Variants in KCNJ2 observed in about 807,000 individuals in gnomAD.
KCNJ2 encodes potassium inwardly rectifying channel subfamily J member 2.
A neutral mutation model predicts 28.4 loss-of-function variants in KCNJ2; 12 were observed. The ratio of observed to expected loss-of-function variants is 0.42; its 90% confidence interval spans 0.27 to 0.68. The LOEUF (loss-of-function observed/expected upper bound fraction) is 0.68. KCNJ2 is among the 30% of genes least tolerant of loss of function. The pLI is 0.23. For synonymous variants in KCNJ2, 200 were observed against 203.2 expected (o/e 0.98, Z 0.13); for missense variants, 320 against 551.3 (o/e 0.58, Z 4.20).
chr17:70,175,718 G>C lies in KCNJ2; in HGVS notation c.679G>C (p.Val227Leu). ...GAAAAGCCACTTGGTGGAAGCTCAT[G>C]TTCGAGCACAGCTCCTCAAATCCAG... The part of the protein sequence containing the change: ...LRKSHLVEAH[V>L]RAQLLKSRIT... The change falls in exon 2 of 2, where the codon GTT (valine) becomes CTT (leucine). Residue 227 changes from valine to leucine, a missense_variant. By Grantham distance (32) the Val-to-Leu change is conservative (BLOSUM62 1). This residue lies in a region of KCNJ2 where 111 missense variants were observed against 256.7 expected (regional missense o/e 0.43). Coordinates refer to ENST00000243457, the MANE Select transcript of KCNJ2 (RefSeq NM_000891.3). The surrounding 1 kb of genome is among the most constrained non-coding windows in gnomAD (Gnocchi z 8.3). 1 of 1,614,250 alleles carries C rather than the reference G, an allele frequency of 6.2e-7. No homozygotes were observed. The highest frequency in any genetic ancestry group is 2.2e-5 in the East Asian group (1 of 44,884).
At position 70,175,439 on chromosome 17, in the gene KCNJ2, C is replaced by G; in HGVS notation, c.400C>G (p.Leu134Val). The change falls in exon 2 of 2, where the codon CTC (leucine) becomes GTC (valine). Residue 134 changes from leucine (L) to valine (V), a missense_variant. This residue lies in a region of KCNJ2 where 111 missense variants were observed against 256.7 expected (regional missense o/e 0.43). Transcript: ENST00000243457. The surrounding 1 kb of genome is among the most constrained non-coding windows in gnomAD (Gnocchi z 8.3). ...GGTCAACAGCTTCACGGCTGCCTTC[C>G]TCTTCTCCATTGAGACCCAGACAAC... is the stretch of plus-strand genomic sequence containing the variant. ...SEVNSFTAAF[L>V]FSIETQTTIG... 1 of 1,614,196 alleles carries G rather than the reference C, an allele frequency of 6.2e-7. No homozygotes were observed. The highest frequency in any genetic ancestry group is 8.5e-7 in the Non-Finnish European group (1 of 1,180,038).
chr17:70,174,568 G>A (rs1223822781), intron 1 of KCNJ2, among the ~76,000 whole-genome samples: 1 of 152,114 alleles, frequency 6.6e-6, no homozygotes, highest in Admixed American at 6.5e-5. Context: ...CAAAAAGAAG[G>A]GAAAGGGGAC....
At chr17:70,173,883 A>G (rs2074377736) in intron 1 of KCNJ2, among the ~76,000 whole-genome samples, 1 of 152,160 alleles carries the variant, frequency 6.6e-6, no homozygotes, top group African/African-American at 2.4e-5. Context: ...GTCATTACAC[A>G]TGACAGCCCC....
At chr17:70,173,661 T>A (rs1348572079) in intron 1 of KCNJ2, among the ~76,000 whole-genome samples, 3 of 152,140 alleles carry the variant, frequency 2.0e-5, no homozygotes, top group African/African-American at 7.2e-5. Flanking sequence ...TTTGCACATA[T>A]TAAGTAAAGG....
At chr17:70,170,409 TC>T (rs1435934759) in intron 1 of KCNJ2, among the ~76,000 whole-genome samples, 44 of 152,310 alleles carry the variant, frequency 2.9e-4, no homozygotes, top group Non-Finnish European at 1.3e-4. Context: ...ACGACTTGAT[TC>T]TGCAAAAAGA....
At position 70,177,357 on chromosome 17, in the gene KCNJ2, A is replaced by T. The variant is rs547939246; in HGVS notation, c.*1034A>T. 1.8e-5 allele frequency: 3 copies of T among 167,196 alleles called. No individual in the cohort carries two copies. Among genetic ancestry groups the T allele is most frequent in the Non-Finnish European group, 2.9e-5 (2 of 68,126 alleles). The allele number at this position is 167,196 out of a possible 1,614,324, so 10.4% of individuals were successfully genotyped here. ...GCCAGGCTCATGTGTAGTGTGCGAG[A>T]TGGTGATGTACTCTTATATTTTTCT... On this transcript the variant is annotated 3_prime_UTR_variant, in exon 2 of 2. Transcript: ENST00000243457.
intron 1 of KCNJ2, among the ~76,000 whole-genome samples, chr17:70,170,568 A>G (rs2074360006): frequency 6.6e-6 from 1 of 152,202 alleles, no homozygotes. Context: ...ATAAATTCAG[A>G]TTTTACCTGT....
At chr17:70,171,128 T>C (rs753019919) in intron 1 of KCNJ2, among the ~76,000 whole-genome samples, 1 of 152,206 alleles carries the variant, frequency 6.6e-6, no homozygotes, top group Non-Finnish European at 1.5e-5. Context: ...TTTAAGTGTA[T>C]ATTTTTATTT....
At chr17:70,171,902 T>A (rs1489633233) in intron 1 of KCNJ2, among the ~76,000 whole-genome samples, 1 of 152,210 alleles carries the variant, frequency 6.6e-6, no homozygotes, top group Admixed American at 6.5e-5. Context: ...CAAATCAAAT[T>A]TCAATTCTCT....
chr17:70,175,923 T>G lies in KCNJ2; in HGVS notation c.884T>G (p.Val295Gly), dbSNP rs201162707. The G allele has an allele frequency of 1.2e-6, 2 of 1,614,020 alleles. No homozygotes were observed. ...QDIDNADFEI[V>G]VILEGMVEAT... ...ATTGACAACGCAGACTTTGAAATCG[T>G]GGTCATACTGGAAGGCATGGTGGAA... The change falls in exon 2 of 2, where the codon GTG becomes GGG. Residue 295 changes from valine (V) to glycine (G), a missense_variant. By Grantham distance (109) the Val-to-Gly change is moderately radical. This residue lies in a region of KCNJ2 where 155 missense variants were observed against 231.6 expected (regional missense o/e 0.67). Coordinates refer to ENST00000243457, the MANE Select transcript of KCNJ2 (RefSeq NM_000891.3). The surrounding 1 kb of genome is among the most constrained non-coding windows in gnomAD (Gnocchi z 8.3).
intron 1 of KCNJ2, among the ~76,000 whole-genome samples, chr17:70,173,911 G>A (rs1890537623): frequency 6.6e-6 from 1 of 152,160 alleles, no homozygotes; most frequent in Non-Finnish European, 1.5e-5. Context: ...GAGAATTTCA[G>A]GGCTCTTATT....
Position 70,175,866 on chromosome 17 carries a change from A to G in KCNJ2, c.827A>G (p.Asp276Gly), listed in dbSNP as rs1201835791. 6.2e-7 allele frequency: 1 copy of G among 1,614,174 alleles called. No homozygotes were observed. Among genetic ancestry groups the G allele is most frequent in the Non-Finnish European group, 8.5e-7 (1 of 1,180,024 alleles). The part of the protein sequence containing the change: ...PITIVHEIDE[D>G]SPLYDLSKQD... ...ACTATAGTCCATGAAATAGATGAAGACAGTCCTTTATATGATTTGAGTAAA... is the reference window on the plus strand; with the variant it reads ...ACTATAGTCCATGAAATAGATGAAGGCAGTCCTTTATATGATTTGAGTAAA... Residue 276 changes from aspartate to glycine, a missense_variant, in exon 2 of 2, where the codon GAC becomes GGC. Coordinates refer to ENST00000243457, the MANE Select transcript of KCNJ2 (RefSeq NM_000891.3). This position sits in a 1 kb window ranked among gnomAD's most constrained non-coding sequence, Gnocchi z 8.3.
chr17:70,170,861 G>A (rs148739867), intron 1 of KCNJ2, among the ~76,000 whole-genome samples: 1 of 152,226 alleles, frequency 6.6e-6, no homozygotes, highest in Non-Finnish European at 1.5e-5. Context: ...TAAGGTCAAG[G>A]CCATTTTACT....
In KCNJ2 at chr17:70,175,523, G is replaced by T; in HGVS notation, c.484G>T (p.Val162Leu). ...DECPIAVFMV[V>L]FQSIVGCIID... is the part of the protein sequence containing the mutation. ...ATGCCCAATTGCTGTTTTCATGGTGGTGTTCCAGTCAATCGTGGGCTGCAT... is the reference window on the plus strand; with the variant it reads ...ATGCCCAATTGCTGTTTTCATGGTGTTGTTCCAGTCAATCGTGGGCTGCAT... The change falls in exon 2 of 2, where the codon GTG becomes TTG. Residue 162 changes from valine (V) to leucine (L), a missense_variant. Physicochemically the swap from Val to Leu is conservative, Grantham distance 32. Coordinates refer to ENST00000243457, the MANE Select transcript of KCNJ2 (RefSeq NM_000891.3). The surrounding 1 kb of genome is among the most constrained non-coding windows in gnomAD (Gnocchi z 8.3). The T allele has an allele frequency of 1.2e-6, 2 of 1,614,174 alleles. No homozygotes were observed. Among genetic ancestry groups the T allele is most frequent in the Non-Finnish European group, 1.7e-6 (2 of 1,180,032 alleles).
rs2074394802 is a variant in KCNJ2 at position 70,176,558 on chromosome 17, G to A, written c.*235G>A. ...ATAGATGTTGTAGAATAAGTTATGG[G>A]TTTTTATGTTTTGTTTTGTGTTTTT... On this transcript the variant is annotated 3_prime_UTR_variant, in exon 2 of 2. Coordinates refer to ENST00000243457, the MANE Select transcript of KCNJ2 (RefSeq NM_000891.3). The A allele has an allele frequency of 3.5e-6, 2 of 577,008 alleles. No individual in the cohort carries two copies. The highest frequency in any genetic ancestry group is 3.1e-5 in the Admixed American group (1 of 32,270). 35.7% of individuals were successfully genotyped at this position (577,008 alleles called of 1,614,324 possible).
intron 1 of KCNJ2, among the ~76,000 whole-genome samples, chr17:70,172,824 G>A (rs1032704744): frequency 2.6e-5 from 4 of 152,140 alleles, no homozygotes; most frequent in African/African-American, 9.7e-5. Context: ...ACCTGCGTTT[G>A]GTGTTGTTGC....
chr17:70,171,146 A>G (rs1475441070), intron 1 of KCNJ2, among the ~76,000 whole-genome samples: 1 of 152,230 alleles, frequency 6.6e-6, no homozygotes, highest in Admixed American at 6.5e-5. Context: ...TTTACCAAAC[A>G]TGTCTGTTTT....
At chr17:70,174,397 T>C (rs2074380190) in intron 1 of KCNJ2, among the ~76,000 whole-genome samples, 1 of 152,112 alleles carries the variant, frequency 6.6e-6, no homozygotes, top group African/African-American at 2.4e-5. Flanking sequence ...CCACGTGAAG[T>C]TTTCTAAACA....
chr17:70,177,249 AC>A lies in KCNJ2; in HGVS notation c.*927del, dbSNP rs2074399200. ...TTTAAAAATTTTGTCCTTTCATGTA[AC>A]TTTTTTATTTTAAGAGGAAGAAGAA... On this transcript the variant is annotated 3_prime_UTR_variant, in exon 2 of 2. Coordinates refer to ENST00000243457, the MANE Select transcript of KCNJ2 (RefSeq NM_000891.3). 2 of 166,936 alleles carry A rather than the reference AC, an allele frequency of 1.2e-5. No individual in the cohort carries two copies. Among genetic ancestry groups the A allele is most frequent in the Non-Finnish European group, 2.9e-5 (2 of 68,136 alleles). 10.3% of individuals were successfully genotyped at this position (166,936 alleles called of 1,614,324 possible). A position where few individuals can be genotyped will look rare whatever the true frequency, so the allele number is the denominator to read the frequency against.
Sources: gnomAD v4.1 joint callset for allele counts (sites outside exome capture counted in the v4.1 genomes callset) on GRCh38, gnomAD v4.1.1 for gene constraint, gnomAD v4.1.1 regional missense constraint, Gnocchi (gnomAD v3.1) non-coding constraint, MANE v1.5 for transcripts, NCBI Gene and HGNC (gene_info 2026-07-23, HGNC 2026-07-21) for gene names.